Variants in GRIP1 observed in about 807,000 individuals in gnomAD.
The protein encoded by GRIP1 is glutamate receptor interacting protein 1, also known as glutamate receptor-interacting protein 1.
A neutral mutation model predicts 129.9 loss-of-function variants in GRIP1; 45 were observed. That is an observed-to-expected ratio of 0.35 (90% CI 0.27 to 0.44). The LOEUF is 0.44. Among genes scored for constraint, GRIP1 ranks in the 20% least tolerant of loss-of-function variants. The probability of loss-of-function intolerance (pLI) is 1.00; values close to 1 mark genes in which losing one functional copy is unlikely to be tolerated. For synonymous variants in GRIP1, 530 were observed against 520.8 expected, an observed-to-expected ratio of 1.02 and a Z score of -0.24; for missense variants, 1,196 against 1,396.8, an observed-to-expected ratio of 0.86 and a Z score of 2.29.
intron 2 of GRIP1, among the ~76,000 whole-genome samples, chr12:66,586,239 C>T (rs1367037861): frequency 2.6e-5 from 4 of 152,196 alleles, no homozygotes; most frequent in Non-Finnish European, 4.4e-5. Context: ...CACCAAACCT[C>T]TCTTCTTATA....
At position 66,455,483 on chromosome 12, in the gene GRIP1, C is replaced by T. The variant is rs761450580; in HGVS notation, c.1280G>A (p.Arg427Gln). Reference sequence around the variant, plus strand: ...ACGTGGGCTGGTGGAGTAGAGGCTTCGAGGTAGAGTCCCCATGTTCAGGGA... The same window carrying T: ...ACGTGGGCTGGTGGAGTAGAGGCTTTGAGGTAGAGTCCCCATGTTCAGGGA... The part of the protein sequence containing the change: ...LSSLNMGTLP[R>Q]SLYSTSPRGT... Residue 427 changes from arginine to glutamine, a missense_variant, in exon 11 of 25, where the codon CGA (arginine) becomes CAA (glutamine). Physicochemically the swap from Arg to Gln is conservative, Grantham distance 43. Coordinates refer to ENST00000359742, the MANE Select transcript of GRIP1 (RefSeq NM_001366722.1). 8.1e-6 allele frequency: 13 copies of T among 1,613,608 alleles called. No homozygotes were observed. Among genetic ancestry groups the T allele is most frequent in the Admixed American group, 6.7e-5 (4 of 59,996 alleles).
intron 1 of GRIP1, among the ~76,000 whole-genome samples, chr12:66,838,420 A>T (rs1666895390): frequency 6.6e-6 from 1 of 152,204 alleles, no homozygotes; most frequent in Non-Finnish European, 1.5e-5. Context: ...TACCAAGATG[A>T]GGTTGGAACA....
intron 1 of GRIP1, among the ~76,000 whole-genome samples, chr12:66,782,734 A>G (rs1051389270): frequency 2.0e-5 from 3 of 152,132 alleles, no homozygotes; most frequent in South Asian, 4.1e-4. Flanking sequence ...GATTTTTCCT[A>G]TTTACAAAGG....
chr12:66,731,574 C>T (rs1424422613), intron 1 of GRIP1, among the ~76,000 whole-genome samples: 2 of 152,118 alleles, frequency 1.3e-5, no homozygotes, highest in Non-Finnish European at 2.9e-5. Flanking sequence ...AAAATGACTA[C>T]TTGTTACCTG....
chr12:66,365,965 G>A (rs2055115891), intron 23 of GRIP1, among the ~76,000 whole-genome samples: 1 of 152,208 alleles, frequency 6.6e-6, no homozygotes, highest in Admixed American at 6.5e-5. Flanking sequence ...TCATGGAAGT[G>A]GCATGGCTAA....
intron 1 of GRIP1, among the ~76,000 whole-genome samples, chr12:66,814,555 A>G (rs1456418214): frequency 2.0e-5 from 3 of 149,812 alleles, no homozygotes; most frequent in Non-Finnish European, 3.0e-5. Flanking sequence ...AATACTTATT[A>G]TGTGTCCAGC....
chr12:66,357,741 G>T (rs939498913), intron 23 of GRIP1, among the ~76,000 whole-genome samples: 1 of 152,184 alleles, frequency 6.6e-6, no homozygotes, highest in Non-Finnish European at 1.5e-5. Context: ...TACAAGAAGG[G>T]CAGAATGAAT....
chr12:67,009,644 A>G (rs970482487), intron 1 of GRIP1, among the ~76,000 whole-genome samples: 2 of 152,166 alleles, frequency 1.3e-5, no homozygotes, highest in African/African-American at 4.8e-5. Flanking sequence ...AACACTGTGA[A>G]AGTCCTTCAT....
intron 24 of GRIP1, among the ~76,000 whole-genome samples, chr12:66,350,373 T>C (rs1354687291): frequency 6.6e-6 from 1 of 152,002 alleles, no homozygotes; most frequent in Non-Finnish European, 1.5e-5. Flanking sequence ...GGTGGGCGCC[T>C]GTAATCCCAG....
At chr12:66,581,680 A>G (rs1289122341) in intron 2 of GRIP1, among the ~76,000 whole-genome samples, 1 of 152,144 alleles carries the variant, frequency 6.6e-6, no homozygotes, top group Non-Finnish European at 1.5e-5. Context: ...TCCTTGATAC[A>G]TACACTCTCC....
chr12:66,463,228 G>T (rs1473735880), intron 8 of GRIP1, 135 bp from the exon 9 acceptor site: 13 of 782,048 alleles, frequency 1.7e-5, no homozygotes, highest in Non-Finnish European at 2.1e-5. Context: ...GAGTGTTATA[G>T]GAAACACCAT....
chr12:66,967,165 TTTTTG>T (rs1334243462), intron 1 of GRIP1, among the ~76,000 whole-genome samples: 5 of 152,178 alleles, frequency 3.3e-5, no homozygotes, highest in Admixed American at 2.0e-4. Flanking sequence ...TTTGTGTTTG[TTTTTG>T]TTTTATTTTG....
At chr12:66,681,416 C>A (rs2034579520), upstream of GRIP1, among the ~76,000 whole-genome samples, 1 of 152,126 alleles carries the variant, frequency 6.6e-6, no homozygotes, top group African/African-American at 2.4e-5. Context: ...ACAATGCAAG[C>A]CTTCTATCTC....
At chr12:66,466,285 C>G (rs951894361) in intron 7 of GRIP1, among the ~76,000 whole-genome samples, 1 of 152,214 alleles carries the variant, frequency 6.6e-6, no homozygotes, top group Non-Finnish European at 1.5e-5. Context: ...TGCCTGTGTT[C>G]CTTGCCAGAT....
intron 2 of GRIP1, among the ~76,000 whole-genome samples, chr12:66,562,557 A>T (rs1372751613): frequency 6.6e-6 from 1 of 152,212 alleles, no homozygotes; most frequent in African/African-American, 2.4e-5. Context: ...AAGCTATTGC[A>T]GGTGAGACCG....
At chr12:66,614,281 G>A (rs1045185323) in intron 1 of GRIP1, among the ~76,000 whole-genome samples, 9 of 151,928 alleles carry the variant, frequency 5.9e-5, no homozygotes, top group Non-Finnish European at 1.0e-4. Flanking sequence ...ACATACAGCC[G>A]TCTATCTGGC....
intron 2 of GRIP1, among the ~76,000 whole-genome samples, chr12:66,589,194 T>TTCTCTCTC (rs10582806): frequency 0.027 from 2,559 of 95,560 alleles, 122 homozygotes; most frequent in African/African-American, 0.086. Flanking sequence ...CTCCCCCACC[T>TTCTCTCTC]TCTCTCTCTC....
intron 1 of GRIP1, among the ~76,000 whole-genome samples, chr12:66,654,199 CAAG>C (rs994967910): frequency 1.2e-4 from 18 of 151,758 alleles, no homozygotes; most frequent in East Asian, 1.2e-3. Context: ...AAAATTTGGA[CAAG>C]AAGAAGTGAT....
At chr12:66,882,971 C>T (rs1592927113) in intron 1 of GRIP1, among the ~76,000 whole-genome samples, 1 of 152,268 alleles carries the variant, frequency 6.6e-6, no homozygotes, top group South Asian at 2.1e-4. Context: ...AGAAAAACCA[C>T]ACAAGCAAAG....
Sources: allele counts gnomAD v4.1 joint callset (sites outside exome capture counted in the v4.1 genomes callset), GRCh38; gene constraint gnomAD v4.1.1; transcripts MANE v1.5; gene names NCBI Gene and HGNC (gene_info 2026-07-23, HGNC 2026-07-21).